GRIK1: variants seen among roughly 807,000 people sequenced by gnomAD.
GRIK1 encodes the protein glutamate receptor ionotropic, kainate 1.
GRIK1 carries 69 observed loss-of-function variants against 105.7 expected under a neutral mutation model. The ratio of observed to expected loss-of-function variants is 0.65; its 90% CI spans 0.54 to 0.80. The LOEUF is 0.80. Ranked by LOEUF, GRIK1 falls within the 30% of genes least tolerant of loss-of-function variation. The probability of loss-of-function intolerance (pLI) is 0.00; values close to 1 mark genes in which losing one functional copy is unlikely to be tolerated. For missense variants in GRIK1, 1,109 were observed against 1,167.3 expected, an observed-to-expected ratio of 0.95 and a Z score of 0.73; for synonymous variants, 438 against 431.3, an observed-to-expected ratio of 1.02 and a Z score of -0.19.
chr21:29,878,225 G>A (rs965497219), intron 1 of GRIK1, among the ~76,000 whole-genome samples: 17 of 152,100 alleles, frequency 1.1e-4, no homozygotes, highest in Non-Finnish European at 2.1e-4. Context: ...GTAGGTAGAA[G>A]ACAGCAGGCA....
At chr21:29,905,045 A>C (rs1440464345) in intron 1 of GRIK1, among the ~76,000 whole-genome samples, 1 of 152,210 alleles carries the variant, frequency 6.6e-6, no homozygotes, top group African/African-American at 2.4e-5. Context: ...GATCCTAGGC[A>C]GTGTGAAACA....
At chr21:29,854,683 T>C (rs2068410096) in intron 1 of GRIK1, among the ~76,000 whole-genome samples, 1 of 152,124 alleles carries the variant, frequency 6.6e-6, no homozygotes, top group African/African-American at 2.4e-5. Context: ...GGAAATGATG[T>C]TTTCTCATCT....
At chr21:29,538,571 T>TA (rs2089918905) in intron 16 of GRIK1, among the ~76,000 whole-genome samples, 1 of 146,622 alleles carries the variant, frequency 6.8e-6, no homozygotes, top group Non-Finnish European at 1.5e-5. Context: ...CAAGTGTTTT[T>TA]ATCACAATAA....
chr21:29,651,435 G>A (rs984566150), intron 5 of GRIK1, 144 bp from the exon 6 acceptor site: 11 of 577,714 alleles, frequency 1.9e-5, no homozygotes, highest in South Asian at 2.6e-5. Context: ...AGTTACCTGC[G>A]GTCAACCACA....
chr21:29,574,402 T>A, intron 14 of GRIK1, among the ~76,000 whole-genome samples: 1 of 152,218 alleles, frequency 6.6e-6, no homozygotes, highest in East Asian at 1.9e-4. Context: ...TTGATATTGC[T>A]GAATGAGATA....
intron 1 of GRIK1, among the ~76,000 whole-genome samples, chr21:29,925,436 T>A (rs1457880244): frequency 6.6e-6 from 1 of 152,186 alleles, no homozygotes; most frequent in Non-Finnish European, 1.5e-5. Flanking sequence ...ATATATGTAT[T>A]TTTATAAGCC....
chr21:29,568,641 C>T (rs2090666477), intron 14 of GRIK1, among the ~76,000 whole-genome samples: 1 of 152,188 alleles, frequency 6.6e-6, no homozygotes, highest in South Asian at 2.1e-4. Flanking sequence ...TGATTTGTTA[C>T]AAGGCAAGCT....
intron 7 of GRIK1, among the ~76,000 whole-genome samples, chr21:29,617,186 T>C (rs1025112239): frequency 1.3e-5 from 2 of 152,192 alleles, no homozygotes; most frequent in African/African-American, 4.8e-5. Flanking sequence ...ATAAAACACC[T>C]TCCAGAGAAG....
intron 7 of GRIK1, chr21:29,601,201 A>G: frequency 2.0e-6 from 1 of 506,432 alleles, no homozygotes; most frequent in South Asian, 1.4e-5. Flanking sequence ...GCAGAGGAAG[A>G]GAGCATTTAC....
At chr21:29,866,655 GA>G (rs1261151983) in intron 1 of GRIK1, among the ~76,000 whole-genome samples, 2 of 152,162 alleles carry the variant, frequency 1.3e-5, no homozygotes, top group Non-Finnish European at 1.5e-5. Flanking sequence ...TGACACTTCT[GA>G]TGAACTGAGC....
chr21:29,852,954 T>C (rs1311257340), intron 1 of GRIK1, among the ~76,000 whole-genome samples: 1 of 152,212 alleles, frequency 6.6e-6, no homozygotes, highest in Admixed American at 6.5e-5. Flanking sequence ...ATGTAATTCA[T>C]TCTGATCTTA....
intron 1 of GRIK1, among the ~76,000 whole-genome samples, chr21:29,799,991 G>C (rs2066659600): frequency 6.6e-6 from 1 of 152,300 alleles, no homozygotes; most frequent in Admixed American, 6.5e-5. Context: ...ATCATAAGAG[G>C]CTTCTCCGAA....
At chr21:29,786,737 C>A (rs956903786) in intron 1 of GRIK1, among the ~76,000 whole-genome samples, 2 of 152,168 alleles carry the variant, frequency 1.3e-5, no homozygotes, top group Non-Finnish European at 2.9e-5. Flanking sequence ...TCAAAGCACT[C>A]GCCAGCCCAG....
At chr21:29,657,526 C>A (rs1324540073) in intron 4 of GRIK1, 1 of 152,152 alleles carries the variant, frequency 6.6e-6, no homozygotes, top group Non-Finnish European at 1.5e-5. Context: ...ATTTTATTTG[C>A]TGTAGTAGAA....
At chr21:29,784,555 T>C (rs2066209355) in intron 1 of GRIK1, among the ~76,000 whole-genome samples, 1 of 152,206 alleles carries the variant, frequency 6.6e-6, no homozygotes, top group Non-Finnish European at 1.5e-5. Flanking sequence ...CTTTTTCTTC[T>C]TTGGTTAAAT....
intron 1 of GRIK1, among the ~76,000 whole-genome samples, chr21:29,731,419 T>C (rs1261308888): frequency 6.6e-6 from 1 of 152,210 alleles, no homozygotes; most frequent in Non-Finnish European, 1.5e-5. Context: ...GCTTTGATTA[T>C]GCTTTGTCTT....
intron 1 of GRIK1, among the ~76,000 whole-genome samples, chr21:29,857,069 T>C (rs573299790): frequency 6.6e-6 from 1 of 152,314 alleles, no homozygotes; most frequent in Admixed American, 6.5e-5. Flanking sequence ...AATTGAAAGT[T>C]ATTGGAGGGG....
intron 4 of GRIK1, among the ~76,000 whole-genome samples, chr21:29,656,489 TTA>T (rs2062857511): frequency 6.6e-6 from 1 of 151,762 alleles, no homozygotes; most frequent in Non-Finnish European, 1.5e-5. Flanking sequence ...CTGGAAGTTT[TTA>T]TATCAAAGAC....
intron 1 of GRIK1, among the ~76,000 whole-genome samples, chr21:29,800,600 C>T (rs1279051976): frequency 1.3e-5 from 2 of 152,154 alleles, no homozygotes; most frequent in Non-Finnish European, 2.9e-5. Context: ...TTTCTGTTGG[C>T]TCAATAAACC....
Sources: gnomAD v4.1 joint callset for allele counts (sites outside exome capture counted in the v4.1 genomes callset) on GRCh38, gnomAD v4.1.1 for gene constraint, MANE v1.5 for transcripts, NCBI Gene and HGNC (gene_info 2026-07-23, HGNC 2026-07-21) for gene names.